The following SMC3 variants were observed in gnomAD, a reference collection of about 807,000 sequenced individuals.
The protein encoded by SMC3 is structural maintenance of chromosomes protein 3.
Under a neutral mutation model 171.8 loss-of-function variants are expected in SMC3, and 20 were observed. The ratio of observed to expected loss-of-function variants is 0.12; its 90% CI spans 0.08 to 0.17. The LOEUF is 0.17. Ranked by LOEUF, SMC3 falls within the 10% of genes least tolerant of loss-of-function variation. SMC3 has a pLI of 1.00. For synonymous variants in SMC3, 464 were observed against 451.1 expected (o/e 1.03, Z -0.36); for missense variants, 543 against 1,420.4 (o/e 0.38, Z 9.93).
chr10:110,594,965 A>G (rs1300787378), intron 18 of SMC3, among the ~76,000 whole-genome samples: 5 of 151,918 alleles, frequency 3.3e-5, no homozygotes, highest in Non-Finnish European at 7.4e-5. Flanking sequence ...TTAGGATTAA[A>G]TCAAGTATGC....
intron 13 of SMC3, among the ~76,000 whole-genome samples, chr10:110,585,721 T>C (rs1861102629): frequency 6.6e-6 from 1 of 151,804 alleles, no homozygotes; most frequent in Admixed American, 6.6e-5. Flanking sequence ...GACTTGACAT[T>C]TTAAATTATT....
At chr10:110,586,803 G>A (rs921471725) in intron 13 of SMC3, among the ~76,000 whole-genome samples, 11 of 152,054 alleles carry the variant, frequency 7.2e-5, no homozygotes, top group South Asian at 2.1e-4. Context: ...GATTACAGGC[G>A]CCCGCCACTG....
At chr10:110,579,494 G>A (rs1252064118) in intron 7 of SMC3, among the ~76,000 whole-genome samples, 7 of 152,048 alleles carry the variant, frequency 4.6e-5, no homozygotes, top group South Asian at 4.1e-4. Context: ...GTTTCTGCCC[G>A]TATGCCATCC....
In SMC3 at chr10:110,589,766, A is replaced by G. The variant is rs1177471346; in HGVS notation, c.1409+58A>G. The stretch of plus-strand genomic sequence containing the variant: ...TCAGTAATGTTCGTTACTAGCTGTT[A>G]TGTGGTCTTTAAGTTACAAGTTAAC... On this transcript the variant is annotated intron_variant, in intron 14 of 28. Transcript: ENST00000361804. 4.2e-6 allele frequency: 6 copies of G among 1,415,996 alleles called. No individual in the cohort carries two copies. In the Admixed American group the frequency reaches 1.0e-4, roughly 24 times the overall value. The allele number at this position is 1,415,996 out of a possible 1,614,324, so 87.7% of individuals were successfully genotyped here. A position where few individuals can be genotyped will look rare whatever the true frequency, so the allele number is the denominator to read the frequency against.
At chr10:110,586,713 A>T (rs1309016799) in intron 13 of SMC3, among the ~76,000 whole-genome samples, 1 of 152,100 alleles carries the variant, frequency 6.6e-6, no homozygotes, top group Non-Finnish European at 1.5e-5. Context: ...GCTGGAGTGC[A>T]ATGGTGCGAT....
chr10:110,580,715 C>T (rs182691109), intron 7 of SMC3, among the ~76,000 whole-genome samples, 189 bp from the exon 8 acceptor site: 1 of 152,256 alleles, frequency 6.6e-6, no homozygotes, highest in Admixed American at 6.5e-5. Flanking sequence ...TTGGGTTGCT[C>T]ATCTGGTAAG....
At chr10:110,576,271 G>A (rs1221503149) in intron 4 of SMC3, among the ~76,000 whole-genome samples, 2 of 152,126 alleles carry the variant, frequency 1.3e-5, no homozygotes, top group African/African-American at 2.4e-5. Context: ...CTGCTATCAC[G>A]TTGTCATTCA....
At chr10:110,576,620 A>C (rs1337179571) in intron 4 of SMC3, among the ~76,000 whole-genome samples, 2 of 152,176 alleles carry the variant, frequency 1.3e-5, no homozygotes, top group Non-Finnish European at 2.9e-5. Context: ...ACACATAGGA[A>C]ATTGTTTTGT....
chr10:110,568,557 A>G (rs1451413581), intron 1 of SMC3: 2 of 226,384 alleles, frequency 8.8e-6, no homozygotes, highest in African/African-American at 4.7e-5. Context: ...TGAGTGACTG[A>G]AAGCAGCACT....
At chr10:110,592,482 A>G (rs1861223654) in intron 17 of SMC3, among the ~76,000 whole-genome samples, 1 of 152,130 alleles carries the variant, frequency 6.6e-6, no homozygotes, top group African/African-American at 2.4e-5. Context: ...ATTTTTCTAT[A>G]TATGGGATAT....
In SMC3 at chr10:110,602,805, CATAAT is replaced by C. The variant is rs761422880; in HGVS notation, c.3298-17_3298-13del. 9 of 1,607,954 alleles carry C rather than the reference CATAAT, an allele frequency of 5.6e-6. No homozygotes were observed. The highest frequency in any genetic ancestry group is 5.0e-5 in the Admixed American group (3 of 59,990). On this transcript the variant is annotated splice_polypyrimidine_tract_variant and intron_variant, in intron 26 of 28. Coordinates refer to ENST00000361804, the MANE Select transcript of SMC3 (RefSeq NM_005445.4). ...GATTCTGCCCTTTAGGATATTAACT[CATAAT>C]ATGTTTATTTTTAGGTGTCATTTAC...
intron 17 of SMC3, among the ~76,000 whole-genome samples, chr10:110,591,639 A>T (rs762602794): frequency 1.3e-5 from 2 of 152,188 alleles, no homozygotes; most frequent in Non-Finnish European, 2.9e-5. Context: ...ACAAAAGTGC[A>T]CTTTAGGTGG....
At chr10:110,573,988 A>G (rs1860911408) in intron 3 of SMC3, among the ~76,000 whole-genome samples, 1 of 152,168 alleles carries the variant, frequency 6.6e-6, no homozygotes, top group Non-Finnish European at 1.5e-5. Context: ...TTTTCACTTT[A>G]AAAATGGAGA....
intron 13 of SMC3, among the ~76,000 whole-genome samples, chr10:110,584,619 G>A (rs1861081200): frequency 1.3e-5 from 2 of 152,072 alleles, no homozygotes; most frequent in Admixed American, 1.3e-4. Context: ...ATATTAAAAT[G>A]TATGTATGTA....
rs1414707821 is a variant in SMC3 at position 110,599,599 on chromosome 10, A to G, written c.2269-55A>G. ...AAATATAGATTGTTTTAAAATTTTC[A>G]CTATAAGTAATACAGTGGCTAATAC... On this transcript the variant is annotated intron_variant, in intron 20 of 28. Coordinates refer to ENST00000361804, the MANE Select transcript of SMC3 (RefSeq NM_005445.4). 5.3e-6 allele frequency: 8 copies of G among 1,495,928 alleles called. No homozygotes were observed. In the Admixed American group the frequency reaches 6.0e-5, roughly 11 times the overall value. The allele number at this position is 1,495,928 out of a possible 1,614,324, so 92.7% of individuals were successfully genotyped here. A position where few individuals can be genotyped will look rare whatever the true frequency, so the allele number is the denominator to read the frequency against.
rs773329845 is a variant in SMC3 at position 110,584,409 on chromosome 10, A to G, written c.1305+13A>G. 8 of 1,568,176 alleles carry G rather than the reference A, an allele frequency of 5.1e-6. No individual in the cohort carries two copies. In the Admixed American group the frequency reaches 8.4e-5, roughly 16 times the overall value. On this transcript the variant is annotated intron_variant, in intron 13 of 28. Coordinates refer to ENST00000361804, the MANE Select transcript of SMC3 (RefSeq NM_005445.4). ...GGAGCAGTATAATGTAAGAACTTCTATAGCTGCTTTGTAAAAATCTTTCAG... is the reference window on the plus strand; with the variant it reads ...GGAGCAGTATAATGTAAGAACTTCTGTAGCTGCTTTGTAAAAATCTTTCAG...
intron 13 of SMC3, among the ~76,000 whole-genome samples, 186 bp from the exon 14 acceptor site, chr10:110,589,403 AACACCACACAGTTAAG>A (rs1861173855): frequency 6.6e-6 from 1 of 152,122 alleles, no homozygotes; most frequent in African/African-American, 2.4e-5. Flanking sequence ...ACATCTGTAA[AACACCACACAGTTAAG>A]ACACCACACA....
chr10:110,571,280 T>G (rs1339150207), intron 2 of SMC3, among the ~76,000 whole-genome samples: 3 of 152,168 alleles, frequency 2.0e-5, no homozygotes, highest in African/African-American at 7.2e-5. Context: ...TGCTAAGGCT[T>G]TGATGGGAGG....
intron 19 of SMC3, among the ~76,000 whole-genome samples, chr10:110,597,596 A>G (rs1331935777): frequency 3.9e-5 from 6 of 152,376 alleles, no homozygotes; most frequent in South Asian, 4.1e-4. Context: ...GGGTCTGCAT[A>G]TCGCACTTTA....
Sources: gnomAD v4.1 joint callset for allele counts (sites outside exome capture counted in the v4.1 genomes callset) on GRCh38, gnomAD v4.1.1 for gene constraint, MANE v1.5 for transcripts, NCBI Gene and HGNC (gene_info 2026-07-23, HGNC 2026-07-21) for gene names.